Variants in TOX observed in about 807,000 individuals in gnomAD.
The protein encoded by TOX is thymocyte selection associated high mobility group box.
Under a neutral mutation model 53.7 loss-of-function variants are expected in TOX, and 11 were observed. The observed-to-expected ratio is 0.20, with a 90% CI of 0.13 to 0.34. The LOEUF (loss-of-function observed/expected upper bound fraction) is 0.34, where lower values mean the gene tolerates loss of function less well. TOX is among the 10% of genes least tolerant of loss of function. The pLI, the probability that TOX is intolerant of heterozygous loss-of-function variation, is 1.00. For synonymous variants in TOX, 225 were observed against 245.3 expected, an observed-to-expected ratio of 0.92 and a Z score of 0.77; for missense variants, 570 against 664.6, an observed-to-expected ratio of 0.86 and a Z score of 1.56.
At chr8:58,999,113 G>C (rs1396696275) in intron 1 of TOX, among the ~76,000 whole-genome samples, 1 of 152,104 alleles carries the variant, frequency 6.6e-6, no homozygotes, top group Non-Finnish European at 1.5e-5. Context: ...TTGTTTTTTG[G>C]TTATAGTTTT....
chr8:58,925,717 G>C (rs966977862), intron 3 of TOX, among the ~76,000 whole-genome samples: 1 of 152,182 alleles, frequency 6.6e-6, no homozygotes. Flanking sequence ...AGACACATCT[G>C]ATTTCAATAT....
At chr8:58,896,724 C>A (rs559363511) in intron 3 of TOX, among the ~76,000 whole-genome samples, 10 of 148,194 alleles carry the variant, frequency 6.7e-5, no homozygotes, top group African/African-American at 2.4e-4. Context: ...ACAAAAAATC[C>A]TTTTCACCTT....
chr8:58,965,172 T>C (rs1469318318), intron 1 of TOX, among the ~76,000 whole-genome samples: 3 of 152,158 alleles, frequency 2.0e-5, no homozygotes, highest in Admixed American at 1.3e-4. Context: ...GAAGCAAAGT[T>C]TGAAAGAATA....
chr8:59,077,000 A>G (rs1196796228), intron 1 of TOX, among the ~76,000 whole-genome samples: 1 of 152,206 alleles, frequency 6.6e-6, no homozygotes, highest in Non-Finnish European at 1.5e-5. Flanking sequence ...ACAACCACCA[A>G]AAAAGCCAGT....
chr8:58,950,270 C>T (rs1233903303), intron 2 of TOX, among the ~76,000 whole-genome samples: 2 of 151,738 alleles, frequency 1.3e-5, no homozygotes, highest in Admixed American at 6.6e-5. Context: ...ACATGCTGTA[C>T]GTGTCTATTT....
chr8:58,806,156 C>T lies in TOX; in HGVS notation c.*1591G>A, dbSNP rs1809970939. 6.6e-6 allele frequency: 1 copy of T among 152,110 alleles called. No individual in the cohort carries two copies. The highest frequency in any genetic ancestry group is 2.4e-5 in the African/African-American group (1 of 41,414). 9.4% of individuals were successfully genotyped at this position (152,110 alleles called of 1,614,324 possible). The stretch of plus-strand genomic sequence containing the variant: ...TTGGTTCCCTAGCAAATCTCTGGTA[C>T]CTTAAGAATCCTCTTGGAAGACCCA... On this transcript the variant is annotated 3_prime_UTR_variant, in exon 9 of 9. Coordinates refer to ENST00000361421, the MANE Select transcript of TOX (RefSeq NM_014729.3).
intron 2 of TOX, among the ~76,000 whole-genome samples, chr8:58,954,088 G>A (rs1812671152): frequency 6.6e-6 from 1 of 152,112 alleles, no homozygotes; most frequent in Non-Finnish European, 1.5e-5. Context: ...CCATTGCATT[G>A]CTGATGATAA....
intron 3 of TOX, among the ~76,000 whole-genome samples, chr8:58,928,074 T>C (rs10089976): frequency 0.013 from 1,986 of 152,326 alleles, 56 homozygotes; most frequent in African/African-American, 0.046. Flanking sequence ...CATACTTTCG[T>C]CAAGTTTAAT....
At chr8:58,819,420 T>G (rs1016702791) in intron 6 of TOX, among the ~76,000 whole-genome samples, 2 of 152,194 alleles carry the variant, frequency 1.3e-5, no homozygotes, top group African/African-American at 2.4e-5. Context: ...AGAAGGAATG[T>G]GTTCTTGCTG....
chr8:59,108,054 T>G (rs934623924), intron 1 of TOX, among the ~76,000 whole-genome samples: 1 of 152,212 alleles, frequency 6.6e-6, no homozygotes, highest in Non-Finnish European at 1.5e-5. Context: ...AGTACTCCTA[T>G]TCATTTACTG....
At chr8:58,996,024 T>C (rs140662796) in intron 1 of TOX, among the ~76,000 whole-genome samples, 13 of 152,330 alleles carry the variant, frequency 8.5e-5, no homozygotes, top group African/African-American at 1.9e-4. Flanking sequence ...ACTCAATAAA[T>C]ATGGAAATCT....
At chr8:59,051,573 C>T (rs528017075) in intron 1 of TOX, among the ~76,000 whole-genome samples, 1 of 152,216 alleles carries the variant, frequency 6.6e-6, no homozygotes, top group South Asian at 2.1e-4. Flanking sequence ...AAAGACACCA[C>T]ACTAGAAACT....
rs553610579 is a variant in TOX at position 58,851,191 on chromosome 8, A to T, written c.693+333T>A. On this transcript the variant is annotated intron_variant, in intron 4 of 8. Transcript: ENST00000361421. This position sits in a 1 kb window ranked among gnomAD's most constrained non-coding sequence, Gnocchi z 4.4. ...CTCTCTCTCTCTCTCTCTCTCACACACACACACACACACACACACACGACC... is the reference window on the plus strand; with the variant it reads ...CTCTCTCTCTCTCTCTCTCTCACACTCACACACACACACACACACACGACC... Among the ~76,000 whole-genome samples, 36,824 of 132,704 alleles carry T rather than the reference A, an allele frequency of 0.28. 5,200 individuals are homozygous for T. Among genetic ancestry groups the T allele is most frequent in the Middle Eastern group, 0.33 (88 of 270 alleles). 87.1% of individuals were successfully genotyped at this position (132,704 alleles called of 152,430 possible).
chr8:58,809,013 T>C (rs1810035023), intron 7 of TOX, among the ~76,000 whole-genome samples: 1 of 152,230 alleles, frequency 6.6e-6, no homozygotes, highest in Non-Finnish European at 1.5e-5. Flanking sequence ...TGTTGACTTT[T>C]AATCCTAGCG....
chr8:59,039,868 A>G (rs1803543994), intron 1 of TOX, among the ~76,000 whole-genome samples: 1 of 152,250 alleles, frequency 6.6e-6, no homozygotes, highest in African/African-American at 2.4e-5. Context: ...ACGAGCTTGA[A>G]GAAACAACAC....
intron 3 of TOX, among the ~76,000 whole-genome samples, chr8:58,897,817 C>CA (rs1434123133): frequency 6.6e-6 from 1 of 150,922 alleles, no homozygotes; most frequent in Non-Finnish European, 1.5e-5. Flanking sequence ...GATATTTCTA[C>CA]ATTTTTTTTT....
chr8:58,820,414 A>G (rs1463112376), intron 6 of TOX, among the ~76,000 whole-genome samples: 2 of 152,232 alleles, frequency 1.3e-5, no homozygotes, highest in Non-Finnish European at 2.9e-5. Flanking sequence ...TTAATAAACC[A>G]GAACATAGTT....
At chr8:58,897,015 A>C (rs1037007933) in intron 3 of TOX, among the ~76,000 whole-genome samples, 1 of 152,218 alleles carries the variant, frequency 6.6e-6, no homozygotes, top group Admixed American at 6.5e-5. Context: ...TATAGCTCTG[A>C]GTGTAATTCT....
At chr8:58,840,180 G>A (rs534923106) in intron 4 of TOX, among the ~76,000 whole-genome samples, 1 of 152,310 alleles carries the variant, frequency 6.6e-6, no homozygotes, top group East Asian at 1.9e-4. Flanking sequence ...CAAAAGCTAA[G>A]TGATTTCTTT....
Sources: allele counts gnomAD v4.1 joint callset (sites outside exome capture counted in the v4.1 genomes callset), GRCh38; gene constraint gnomAD v4.1.1; non-coding constraint Gnocchi (gnomAD v3.1); transcripts MANE v1.5; gene names NCBI Gene and HGNC (gene_info 2026-07-23, HGNC 2026-07-21).